EYS: variants seen among roughly 807,000 people sequenced by gnomAD.
EYS encodes the protein EGF-like photoreceptor maintenance factor.
In EYS, 250 loss-of-function variants were observed where a neutral mutation model predicts 282.1. The observed-to-expected ratio is 0.89, with a 90% CI of 0.80 to 0.98. The LOEUF (loss-of-function observed/expected upper bound fraction) is 0.98, where lower values mean the gene tolerates loss of function less well. EYS is among the 50% of genes least tolerant of loss of function. EYS has a pLI of 0.00. For synonymous variants in EYS, 1,355 were observed against 1,282.9 expected, an observed-to-expected ratio of 1.06 and a Z score of -1.20; for missense variants, 4,016 against 3,709.0, an observed-to-expected ratio of 1.08 and a Z score of -2.15.
At chr6:63,825,257 A>T (rs576456616) in intron 36 of EYS, among the ~76,000 whole-genome samples, 44 of 152,254 alleles carry the variant, frequency 2.9e-4, no homozygotes, top group African/African-American at 1.0e-3. Context: ...AACCTATACA[A>T]GGAGACTCTG....
chr6:64,582,655 TG>T (rs1236405063), intron 26 of EYS, among the ~76,000 whole-genome samples: 1 of 147,390 alleles, frequency 6.8e-6, no homozygotes, highest in African/African-American at 2.5e-5. Context: ...GCAATGAAAA[TG>T]AAAGTATTTC....
chr6:64,372,614 A>G (rs571294105), intron 29 of EYS, among the ~76,000 whole-genome samples: 11 of 152,324 alleles, frequency 7.2e-5, no homozygotes, highest in Admixed American at 2.0e-4. Context: ...GGAAATTTTC[A>G]TGGATGATAT....
intron 11 of EYS, among the ~76,000 whole-genome samples, chr6:65,306,580 C>T (rs180722855): frequency 4.8e-4 from 73 of 151,630 alleles, no homozygotes; most frequent in African/African-American, 1.6e-3. Flanking sequence ...GTCAATGTTT[C>T]GTGTTCCGCA....
chr6:63,981,611 G>A (rs954594709), intron 35 of EYS, among the ~76,000 whole-genome samples: 1 of 151,854 alleles, frequency 6.6e-6, no homozygotes, highest in Admixed American at 6.6e-5. Flanking sequence ...TCTCCATGTG[G>A]CTAGCAGTAT....
chr6:64,043,612 T>A (rs559858170), intron 33 of EYS, among the ~76,000 whole-genome samples: 1 of 152,336 alleles, frequency 6.6e-6, no homozygotes, highest in South Asian at 2.1e-4. Flanking sequence ...CTTTGGATAG[T>A]CCTGTAGAAT....
chr6:65,189,055 T>C (rs1765579592), intron 12 of EYS, among the ~76,000 whole-genome samples: 1 of 151,638 alleles, frequency 6.6e-6, no homozygotes, highest in African/African-American at 2.4e-5. Context: ...AATTATATAG[T>C]TACAGTTTTA....
intron 5 of EYS, among the ~76,000 whole-genome samples, chr6:65,429,542 T>C (rs913479319): frequency 1.3e-5 from 2 of 152,186 alleles, no homozygotes; most frequent in African/African-American, 4.8e-5. Context: ...ATTGTCCGTA[T>C]ACAGTAGTAT....
chr6:64,064,381 G>T (rs1013958312), intron 33 of EYS, among the ~76,000 whole-genome samples: 1 of 152,036 alleles, frequency 6.6e-6, no homozygotes, highest in African/African-American at 2.4e-5. Context: ...TTAAGACATC[G>T]AGAGCATGCT....
intron 2 of EYS, among the ~76,000 whole-genome samples, chr6:65,632,264 A>G (rs1332266812): frequency 6.6e-6 from 1 of 152,214 alleles, no homozygotes; most frequent in Non-Finnish European, 1.5e-5. Flanking sequence ...TATAGGTACC[A>G]GATTTTCTCT....
intron 22 of EYS, among the ~76,000 whole-genome samples, chr6:64,766,649 A>AAAAAATATATAT (rs1387919586): frequency 3.7e-4 from 7 of 19,068 alleles, no homozygotes; most frequent in Admixed American, 9.6e-4. Context: ...AAAAAAAAAA[A>AAAAAATATATAT]ATATATATAT....
chr6:64,395,300 C>CT (rs1326965705), intron 28 of EYS, among the ~76,000 whole-genome samples: 1 of 152,018 alleles, frequency 6.6e-6, no homozygotes, highest in Non-Finnish European at 1.5e-5. Flanking sequence ...CCAAAGGACT[C>CT]TAAATCATGC....
chr6:65,194,859 T>A (rs1765727800), intron 12 of EYS, among the ~76,000 whole-genome samples: 1 of 151,680 alleles, frequency 6.6e-6, no homozygotes, highest in Non-Finnish European at 1.5e-5. Context: ...AGTTGTTTTT[T>A]TTTTTTTAGA....
chr6:64,024,497 G>A (rs1769378459), intron 33 of EYS, among the ~76,000 whole-genome samples: 1 of 152,100 alleles, frequency 6.6e-6, no homozygotes, highest in South Asian at 2.1e-4. Context: ...GCCAGATAAG[G>A]GAATAAAAGC....
At chr6:64,382,509 C>T (rs1772781614) in intron 29 of EYS, among the ~76,000 whole-genome samples, 1 of 152,196 alleles carries the variant, frequency 6.6e-6, no homozygotes, top group Non-Finnish European at 1.5e-5. Context: ...TGATGTTTGA[C>T]TCTCCCTCTC....
chr6:65,523,771 G>C (rs530577628), intron 2 of EYS, among the ~76,000 whole-genome samples: 1 of 152,134 alleles, frequency 6.6e-6, no homozygotes, highest in Non-Finnish European at 1.5e-5. Flanking sequence ...GGTAGTCTAC[G>C]TTATGAGAGA....
chr6:64,134,296 A>C lies in EYS; in HGVS notation c.6425-52294T>G, dbSNP rs112983719. Among the ~76,000 whole-genome samples the C allele has an allele frequency of 3.1e-3, 475 of 152,170 alleles. 2 individuals carry two copies. The highest frequency in any genetic ancestry group is 0.011 in the African/African-American group (457 of 41,538). On this transcript the variant is annotated intron_variant, in intron 31 of 42. Coordinates refer to ENST00000503581, the MANE Select transcript of EYS (RefSeq NM_001142800.2). ...CCTTTTCAGTGACCTGCATTTCTTC[A>C]TCTTCAGAATAATAAAGCTGGTGGA...
intron 33 of EYS, among the ~76,000 whole-genome samples, chr6:64,056,563 C>T (rs767593010): frequency 1.3e-4 from 20 of 152,166 alleles, no homozygotes; most frequent in African/African-American, 4.3e-4. Context: ...AGGTGCCAGA[C>T]GAATTGGGAT....
At chr6:64,916,182 G>A (rs537265445) in intron 15 of EYS, among the ~76,000 whole-genome samples, 429 of 152,262 alleles carry the variant, frequency 2.8e-3, no homozygotes, top group Non-Finnish European at 4.9e-3. Flanking sequence ...TATTGCACAA[G>A]TATTTATGTT....
intron 19 of EYS, among the ~76,000 whole-genome samples, chr6:64,840,557 C>T (rs1033648396): frequency 1.1e-4 from 17 of 152,130 alleles, no homozygotes; most frequent in Non-Finnish European, 2.2e-4. Context: ...CAGAGGACTT[C>T]GAAACTAATG....
Sources: gnomAD v4.1 joint callset for allele counts (sites outside exome capture counted in the v4.1 genomes callset) on GRCh38, gnomAD v4.1.1 for gene constraint, MANE v1.5 for transcripts, NCBI Gene and HGNC (gene_info 2026-07-23, HGNC 2026-07-21) for gene names.